Variants in GPR139 observed in about 807,000 individuals in gnomAD.
The protein encoded by GPR139 is G protein-coupled receptor 139.
GPR139 carries 12 observed loss-of-function variants against 25.8 expected under a neutral mutation model. The observed-to-expected ratio is 0.47, with a 90% CI of 0.30 to 0.75. GPR139 has a LOEUF of 0.75. Among genes scored for constraint, GPR139 ranks in the 30% least tolerant of loss-of-function variants. The pLI, the probability that GPR139 is intolerant of heterozygous loss-of-function variation, is 0.07. For synonymous variants in GPR139, 184 were observed against 179.9 expected, an observed-to-expected ratio of 1.02 and a Z score of -0.18; for missense variants, 380 against 450.2, an observed-to-expected ratio of 0.84 and a Z score of 1.41.
At position 20,053,457 on chromosome 16, in the gene GPR139, C is replaced by T. The variant is rs747827592; in HGVS notation, c.127+20033G>A. ...GGGTTTCTTTCTTGGCAGAGGGAGCCGCAAGTGAAAAATCAAGGAAGTGTG... is the reference window on the plus strand; with the variant it reads ...GGGTTTCTTTCTTGGCAGAGGGAGCTGCAAGTGAAAAATCAAGGAAGTGTG... On this transcript the variant is annotated intron_variant, in intron 1 of 1. Transcript: ENST00000570682. 3.9e-4 allele frequency among the ~76,000 whole-genome samples: 59 copies of T among 152,040 alleles called. 1 individual carries two copies. Among genetic ancestry groups the T allele is most frequent in the Admixed American group, 2.0e-3 (31 of 15,262 alleles).
chr16:20,072,356 C>A (rs955090256), intron 1 of GPR139, among the ~76,000 whole-genome samples: 2 of 152,146 alleles, frequency 1.3e-5, no homozygotes, highest in African/African-American at 2.4e-5. Context: ...CTCAGCCAGG[C>A]TCTCAGAAAT....
At chr16:20,060,262 G>A (rs1443951972) in intron 1 of GPR139, among the ~76,000 whole-genome samples, 1 of 151,854 alleles carries the variant, frequency 6.6e-6, no homozygotes, top group Non-Finnish European at 1.5e-5. Flanking sequence ...GTGTGCGTGT[G>A]TGTGTGTGGT....
chr16:20,072,886 A>G (rs1387406322), intron 1 of GPR139, among the ~76,000 whole-genome samples: 6 of 152,110 alleles, frequency 3.9e-5, no homozygotes, highest in African/African-American at 1.2e-4. Context: ...TGGCCAGGGC[A>G]TGGTCCCAGA....
intron 1 of GPR139, among the ~76,000 whole-genome samples, chr16:20,072,790 G>C (rs1237018489): frequency 1.3e-5 from 2 of 152,174 alleles, no homozygotes; most frequent in Non-Finnish European, 2.9e-5. Context: ...GCCAAGCCAG[G>C]GGGCCAGGCA....
At chr16:20,044,946 T>C (rs2057348790) in intron 1 of GPR139, among the ~76,000 whole-genome samples, 2 of 152,174 alleles carry the variant, frequency 1.3e-5, no homozygotes, top group South Asian at 4.1e-4. Flanking sequence ...TTCCCTTTAT[T>C]GAGCACTGAC....
At chr16:20,037,187 C>G (rs1240098551) in intron 1 of GPR139, among the ~76,000 whole-genome samples, 4 of 152,142 alleles carry the variant, frequency 2.6e-5, no homozygotes, top group Non-Finnish European at 5.9e-5. Context: ...CACTGTGGCT[C>G]ACGCCTGTAA....
chr16:20,065,910 T>C (rs998101639), intron 1 of GPR139, among the ~76,000 whole-genome samples: 6 of 151,358 alleles, frequency 4.0e-5, no homozygotes, highest in African/African-American at 7.3e-5. Flanking sequence ...AATAAGTTAA[T>C]GCGTTTGAAG....
chr16:20,061,252 T>G lies in GPR139; in HGVS notation c.127+12238A>C, dbSNP rs71373179. ...GTGGATGGATGGATGGATGGATGGATGGATGGATGGATGGATGGCTGTGTG... is the reference window on the plus strand; with the variant it reads ...GTGGATGGATGGATGGATGGATGGAGGGATGGATGGATGGATGGCTGTGTG... On this transcript the variant is annotated intron_variant, in intron 1 of 1. Coordinates refer to ENST00000570682, the MANE Select transcript of GPR139 (RefSeq NM_001002911.4). 3.1e-3 allele frequency among the ~76,000 whole-genome samples: 312 copies of G among 100,606 alleles called. 1 individual carries two copies. Among genetic ancestry groups the G allele is most frequent in the Middle Eastern group, 0.013 (3 of 224 alleles). The allele number at this position is 100,606 out of a possible 152,430, so 66.0% of individuals were successfully genotyped here.
Position 20,073,548 on chromosome 16 carries a change from G to C in GPR139, c.69C>G (p.Cys23Trp). The C allele has an allele frequency of 2.5e-6, 4 of 1,602,694 alleles. No individual in the cohort carries two copies. Among genetic ancestry groups the C allele is most frequent in the South Asian group, 1.1e-5 (1 of 89,280 alleles). ...AGACCACGGGCACGAAACCCAAGCC[G>C]CAGGCCGAGCCGGGGGACCACCAAG... is the stretch of plus-strand genomic sequence containing the variant. ...SLSWWSPGSACGLGFVPVVYY... is the reference protein window; with the variant it reads ...SLSWWSPGSAWGLGFVPVVYY... Residue 23 changes from cysteine (C) to tryptophan (W), a missense_variant, in exon 1 of 2, where the codon TGC becomes TGG. Transcript: ENST00000570682. The surrounding 1 kb of genome is among the most constrained non-coding windows in gnomAD (Gnocchi z 4.7).
intron 1 of GPR139, among the ~76,000 whole-genome samples, chr16:20,033,310 GC>G (rs1196560692): frequency 6.6e-6 from 1 of 151,606 alleles, no homozygotes; most frequent in African/African-American, 2.4e-5. Context: ...TGAAGCTGGG[GC>G]TCTGAGAGCC....
chr16:20,073,685 G>A lies in GPR139; in HGVS notation c.-69C>T. ...CAGCCCGACTCTGGTCGCCGGCTCG[G>A]TGGTGGCGGCGGCGGAGGCAGCGGC... On this transcript the variant is annotated 5_prime_UTR_variant, in exon 1 of 2. Coordinates refer to ENST00000570682, the MANE Select transcript of GPR139 (RefSeq NM_001002911.4). This position sits in a 1 kb window ranked among gnomAD's most constrained non-coding sequence, Gnocchi z 4.7. The A allele has an allele frequency of 6.8e-7, 1 of 1,477,344 alleles. No homozygotes were observed. Among genetic ancestry groups the A allele is most frequent in the East Asian group, 2.5e-5 (1 of 39,938 alleles). The allele number at this position is 1,477,344 out of a possible 1,614,324, so 91.5% of individuals were successfully genotyped here.
chr16:20,055,570 T>C (rs2764776), intron 1 of GPR139, among the ~76,000 whole-genome samples: 115,641 of 152,210 alleles, frequency 0.76, 44,585 homozygotes, highest in East Asian at 0.97. Context: ...TCAACCTCCT[T>C]TCAGAAAAAA....
intron 1 of GPR139, among the ~76,000 whole-genome samples, chr16:20,035,704 TA>T (rs898982171): frequency 6.6e-6 from 1 of 152,176 alleles, no homozygotes; most frequent in African/African-American, 2.4e-5. Flanking sequence ...AGGAAGAGGT[TA>T]AAAGGCAGAA....
intron 1 of GPR139, chr16:20,070,880 GGGGACCACTGT>G: frequency 1.1e-6 from 1 of 891,858 alleles, no homozygotes; most frequent in Non-Finnish European, 1.3e-6. Flanking sequence ...GGTGATGGGT[GGGGACCACTGT>G]GGTGAGCTCA....
chr16:20,044,148 A>G (rs2057346131), intron 1 of GPR139, among the ~76,000 whole-genome samples: 1 of 152,224 alleles, frequency 6.6e-6, no homozygotes. Context: ...TATTAAGGAC[A>G]CATAACAATC....
intron 1 of GPR139, among the ~76,000 whole-genome samples, chr16:20,058,893 C>A (rs142374309): frequency 6.6e-6 from 1 of 152,346 alleles, no homozygotes; most frequent in East Asian, 1.9e-4. Context: ...CTGGGAGGAT[C>A]ACTCTCCACT....
Position 20,073,442 on chromosome 16 carries a change from C to T in GPR139, c.127+48G>A, listed in dbSNP as rs375162772. 8 of 1,593,320 alleles carry T rather than the reference C, an allele frequency of 5.0e-6. No homozygotes were observed. The African/African-American group carries it at 6.7e-5, about 13-fold the overall frequency. On this transcript the variant is annotated intron_variant, in intron 1 of 1. Transcript: ENST00000570682. The surrounding 1 kb of genome is among the most constrained non-coding windows in gnomAD (Gnocchi z 4.7). ...ACGGGGGATTCTGGGTAGGGTTGCC[C>T]GGCACTTGGGGTTCCTGGCTTCCCT...
rs566873476 is a variant in GPR139 at position 20,051,337 on chromosome 16, C to T, written c.128-18668G>A. 7.2e-5 allele frequency among the ~76,000 whole-genome samples: 11 copies of T among 152,312 alleles called. No homozygotes were observed. The South Asian group carries it at 1.7e-3, about 23-fold the overall frequency. The stretch of plus-strand genomic sequence containing the variant: ...TTGGGTTAGCAGAGGGAAGGTCCCA[C>T]GGGATCTGGGTGTCCAAGAACATTA... On this transcript the variant is annotated intron_variant, in intron 1 of 1. Transcript: ENST00000570682.
chr16:20,063,738 C>T (rs2057422083), intron 1 of GPR139, among the ~76,000 whole-genome samples: 1 of 152,198 alleles, frequency 6.6e-6, no homozygotes, highest in African/African-American at 2.4e-5. Flanking sequence ...TCCTTTACTC[C>T]TTTTGCTTCC....
Sources: gnomAD v4.1 joint callset for allele counts (sites outside exome capture counted in the v4.1 genomes callset) on GRCh38, gnomAD v4.1.1 for gene constraint, Gnocchi (gnomAD v3.1) non-coding constraint, MANE v1.5 for transcripts, NCBI Gene and HGNC (gene_info 2026-07-23, HGNC 2026-07-21) for gene names.